RMDN1: variants seen among roughly 807,000 people sequenced by gnomAD.
The protein encoded by RMDN1 is regulator of microtubule dynamics 1.
A neutral mutation model predicts 48.9 loss-of-function variants in RMDN1; 48 were observed. The ratio of observed to expected loss-of-function variants is 0.98; its 90% CI spans 0.78 to 1.25. RMDN1 has a LOEUF of 1.25. RMDN1 is among the 50% of genes most tolerant of loss of function. RMDN1 has a pLI of 0.00. For synonymous variants in RMDN1, 148 were observed against 132.6 expected, an observed-to-expected ratio of 1.12 and a Z score of -0.80; for missense variants, 418 against 373.4, an observed-to-expected ratio of 1.12 and a Z score of -0.98.
At chr8:86,482,217 C>G in intron 5 of RMDN1, 2 of 362,328 alleles carry the variant, frequency 5.5e-6, no homozygotes. Flanking sequence ...GCCTGGCCAA[C>G]ATGGTGAAAC....
At chr8:86,498,258 TA>T (rs141809264) in intron 2 of RMDN1, among the ~76,000 whole-genome samples, 35 of 144,950 alleles carry the variant, frequency 2.4e-4, no homozygotes, top group Admixed American at 2.7e-4. Flanking sequence ...GAATCAGTAG[TA>T]AAAAAAAAAA....
chr8:86,482,776 T>A, intron 5 of RMDN1: 1 of 912,176 alleles, frequency 1.1e-6, no homozygotes. Context: ...GACCCCAATG[T>A]GACAAGTAGT....
chr8:86,487,799 C>G (rs1338133561), intron 3 of RMDN1, among the ~76,000 whole-genome samples: 7 of 152,090 alleles, frequency 4.6e-5, no homozygotes, highest in African/African-American at 1.7e-4. Context: ...AACCAGCCAC[C>G]TTGAATTACT....
chr8:86,485,772 A>G (rs903484992), intron 4 of RMDN1, among the ~76,000 whole-genome samples: 2 of 152,200 alleles, frequency 1.3e-5, no homozygotes, highest in African/African-American at 4.8e-5. Flanking sequence ...CCACACTTCA[A>G]AAACCCAGGT....
At chr8:86,510,408 T>TG (rs1819984636), upstream of RMDN1, among the ~76,000 whole-genome samples, 1 of 152,238 alleles carries the variant, frequency 6.6e-6, no homozygotes, top group African/African-American at 2.4e-5. Context: ...GATAATGTCT[T>TG]GCATTTGTTA....
intron 1 of RMDN1, among the ~76,000 whole-genome samples, chr8:86,507,469 T>C (rs957919368): frequency 2.0e-5 from 3 of 152,208 alleles, no homozygotes; most frequent in Non-Finnish European, 4.4e-5. Context: ...GATTATCATA[T>C]ATAGTAATTA....
At chr8:86,493,441 G>T (rs1193998337) in intron 2 of RMDN1, among the ~76,000 whole-genome samples, 1 of 152,142 alleles carries the variant, frequency 6.6e-6, no homozygotes, top group Non-Finnish European at 1.5e-5. Context: ...GTTAATAGAT[G>T]AATGGATTAA....
chr8:86,497,652 G>C (rs1386638905), intron 2 of RMDN1, among the ~76,000 whole-genome samples: 1 of 146,246 alleles, frequency 6.8e-6, no homozygotes, highest in African/African-American at 2.5e-5. Flanking sequence ...AGTGAGCTGA[G>C]ATCGCACCAC....
chr8:86,504,345 A>C (rs1818910472), intron 2 of RMDN1: 1 of 1,578,156 alleles, frequency 6.3e-7, no homozygotes, highest in Non-Finnish European at 8.7e-7. Flanking sequence ...AAGAAAAGCA[A>C]GTCACCGTGC....
At chr8:86,493,987 A>C (rs889812504) in intron 2 of RMDN1, among the ~76,000 whole-genome samples, 3 of 152,134 alleles carry the variant, frequency 2.0e-5, no homozygotes, top group Non-Finnish European at 4.4e-5. Flanking sequence ...TTATATGTGG[A>C]ATCTAAAAAA....
intron 2 of RMDN1, among the ~76,000 whole-genome samples, chr8:86,503,376 A>AAAAAAAAAAAAC (rs1818662801): frequency 1.4e-5 from 1 of 73,030 alleles, no homozygotes; most frequent in Admixed American, 1.6e-4. Context: ...CAAAACAAAA[A>AAAAAAAAAAAAC]AAAAAAAAAA....
intron 5 of RMDN1, chr8:86,481,729 G>T: frequency 1.4e-6 from 1 of 698,616 alleles, no homozygotes; most frequent in Non-Finnish European, 2.2e-6. Context: ...AGAAGGTTCT[G>T]CTTTCTTTGG....
At chr8:86,492,011 T>C (rs1485709336) in intron 2 of RMDN1, among the ~76,000 whole-genome samples, 1 of 151,650 alleles carries the variant, frequency 6.6e-6, no homozygotes, top group Non-Finnish European at 1.5e-5. Flanking sequence ...CCAATAATAC[T>C]GTGTCTCAGC....
At position 86,473,818 on chromosome 8, in the gene RMDN1, C is replaced by G; in HGVS notation, c.*490G>C. On this transcript the variant is annotated 3_prime_UTR_variant, in exon 10 of 10. Transcript: ENST00000406452. ...TTTTTAGTCATCTCCTTACTTAGTT[C>G]TTTACTTACACAGGTTAGCTCCAAG... 1.0e-6 allele frequency: 1 copy of G among 984,814 alleles called. No homozygotes were observed. The allele number at this position is 984,814 out of a possible 1,614,324, so 61.0% of individuals were successfully genotyped here. A position where few individuals can be genotyped will look rare whatever the true frequency, so the allele number is the denominator to read the frequency against.
chr8:86,495,089 CA>C (rs779619673), intron 2 of RMDN1: 39 of 282,424 alleles, frequency 1.4e-4, no homozygotes, highest in Middle Eastern at 1.4e-3. Flanking sequence ...GACATTCTCC[CA>C]CTGAGAGAGA....
chr8:86,468,625 A>C (rs181746491), downstream of RMDN1: 149 of 451,302 alleles, frequency 3.3e-4, 3 homozygotes, highest in East Asian at 9.3e-3. Flanking sequence ...TGACTGAAGA[A>C]GGCAGCTTTC....
intron 2 of RMDN1, among the ~76,000 whole-genome samples, chr8:86,498,712 C>T (rs569671356): frequency 1.1e-4 from 17 of 152,104 alleles, no homozygotes; most frequent in South Asian, 6.2e-4. Context: ...GCCTGGGAGG[C>T]GGAGGTTGCA....
chr8:86,483,247 T>TA (rs943510508), intron 5 of RMDN1, among the ~76,000 whole-genome samples: 1 of 152,240 alleles, frequency 6.6e-6, no homozygotes, highest in Non-Finnish European at 1.5e-5. Context: ...AAAGCTTATA[T>TA]AAAACATTGT....
intron 3 of RMDN1, among the ~76,000 whole-genome samples, chr8:86,487,044 C>T (rs1259546726): frequency 6.6e-6 from 1 of 152,164 alleles, no homozygotes; most frequent in Non-Finnish European, 1.5e-5. Context: ...TAGACAGGGT[C>T]ATGTTCTAAA....
Sources: gnomAD v4.1 joint callset for allele counts (sites outside exome capture counted in the v4.1 genomes callset) on GRCh38, gnomAD v4.1.1 for gene constraint, MANE v1.5 for transcripts, NCBI Gene and HGNC (gene_info 2026-07-23, HGNC 2026-07-21) for gene names.